Variants in ANO4 observed in about 807,000 individuals in gnomAD.
ANO4 encodes the protein anoctamin-4.
Under a neutral mutation model 141.9 loss-of-function variants are expected in ANO4, and 69 were observed. That is an observed-to-expected ratio of 0.49 (90% CI 0.40 to 0.59). The LOEUF is 0.59. Ranked by LOEUF, ANO4 falls within the 20% of genes least tolerant of loss-of-function variation. ANO4 has a pLI of 0.00. For synonymous variants in ANO4, 350 were observed against 394.3 expected (o/e 0.89, Z 1.33); for missense variants, 894 against 1,162.2 (o/e 0.77, Z 3.36).
intron 3 of ANO4, among the ~76,000 whole-genome samples, chr12:100,772,007 C>T (rs2033320544): frequency 6.6e-6 from 1 of 152,210 alleles, no homozygotes; most frequent in Non-Finnish European, 1.5e-5. Flanking sequence ...AGGAGCCAGA[C>T]TCCTCAAGAC....
chr12:101,042,453 A>T lies in ANO4; in HGVS notation c.1139A>T (p.Asp380Val). 1 of 1,614,114 alleles carries T rather than the reference A, an allele frequency of 6.2e-7. No homozygotes were observed. The highest frequency in any genetic ancestry group is 8.5e-7 in the Non-Finnish European group (1 of 1,179,990). The change falls in exon 12 of 28, where the codon GAT (aspartate) becomes GTT (valine). Residue 380 changes from aspartate (D) to valine (V), a missense_variant. Asp to Val is a radical substitution (Grantham distance 152, BLOSUM62 -3). Transcript: ENST00000392977. ...TTTTTGTATGGCGTCACCACTCTGGATCACAGCCAAGTCAGGTACGGGGAG... is the reference window on the plus strand; with the variant it reads ...TTTTTGTATGGCGTCACCACTCTGGTTCACAGCCAAGTCAGGTACGGGGAG... ...FVFLYGVTTL[D>V]HSQVSKEVCQ...
chr12:100,958,375 T>A (rs1014264693), intron 5 of ANO4, among the ~76,000 whole-genome samples: 2 of 152,184 alleles, frequency 1.3e-5, no homozygotes, highest in Non-Finnish European at 2.9e-5. Flanking sequence ...CTTTCATTGA[T>A]TCAATTTTAA....
chr12:100,725,546 C>T (rs1204430962), intron 1 of ANO4, among the ~76,000 whole-genome samples: 1 of 151,898 alleles, frequency 6.6e-6, no homozygotes, highest in Admixed American at 6.6e-5. Context: ...CGGGGTTTCA[C>T]CATGTTAGCC....
At chr12:100,920,463 A>AT (rs1245144562) in intron 2 of ANO4, among the ~76,000 whole-genome samples, 1 of 145,364 alleles carries the variant, frequency 6.9e-6, no homozygotes, top group Non-Finnish European at 1.5e-5. Flanking sequence ...TTTGGCCATC[A>AT]AATAGAACAA....
intron 1 of ANO4, among the ~76,000 whole-genome samples, chr12:100,900,030 T>G (rs2040516459): frequency 6.6e-6 from 1 of 152,158 alleles, no homozygotes; most frequent in Non-Finnish European, 1.5e-5. Context: ...TTCTGAATGT[T>G]TCACATGTAC....
rs184845706 is a variant in ANO4, at chr12:101,068,795, C to T, written c.1313-10398C>T. On this transcript the variant is annotated intron_variant, in intron 14 of 27. Transcript: ENST00000392977. ...TTACATAGCCTGGCTTTAGAAGAGC[C>T]CACAGTCATCAAAAAGTATCTATTG... The T allele has an allele frequency of 7.8e-3, 9,480 of 1,213,970 alleles. 89 individuals are homozygous for T. The highest frequency in any genetic ancestry group is 8.0e-3 in the Non-Finnish European group (6,525 of 819,730). 75.2% of individuals were successfully genotyped at this position (1,213,970 alleles called of 1,614,324 possible). A position where few individuals can be genotyped will look rare whatever the true frequency, so the allele number is the denominator to read the frequency against.
At chr12:101,020,193 C>A in intron 9 of ANO4, 53 bp downstream of exon 9, 1 of 1,255,344 alleles carries the variant, frequency 8.0e-7, no homozygotes, top group Non-Finnish European at 1.2e-6. Context: ...GAATTACAGA[C>A]TTCTTCCCTT....
intron 3 of ANO4, among the ~76,000 whole-genome samples, chr12:100,773,567 A>G (rs186742027): frequency 1.2e-4 from 19 of 152,346 alleles, no homozygotes; most frequent in African/African-American, 4.6e-4. Flanking sequence ...CTTGTACTAC[A>G]TAAGTTTCTT....
At chr12:101,003,270 TA>T (rs2045729149) in intron 8 of ANO4, among the ~76,000 whole-genome samples, 1 of 152,248 alleles carries the variant, frequency 6.6e-6, no homozygotes, top group Non-Finnish European at 1.5e-5. Flanking sequence ...ATGATTCCTT[TA>T]TCATGGGATC....
chr12:100,729,580 C>A (rs895018785), intron 1 of ANO4, among the ~76,000 whole-genome samples: 7 of 152,048 alleles, frequency 4.6e-5, no homozygotes, highest in Non-Finnish European at 8.8e-5. Context: ...ACTGTTTAAT[C>A]TGGATACTGA....
At chr12:101,059,100 T>C (rs1164782674) in intron 14 of ANO4, among the ~76,000 whole-genome samples, 1 of 152,226 alleles carries the variant, frequency 6.6e-6, no homozygotes, top group Non-Finnish European at 1.5e-5. Flanking sequence ...GAAGGCCTTT[T>C]CTGTATCTAT....
chr12:100,908,007 A>G (rs755511343), intron 2 of ANO4, among the ~76,000 whole-genome samples: 2 of 152,262 alleles, frequency 1.3e-5, no homozygotes, highest in Non-Finnish European at 2.9e-5. Flanking sequence ...TTTTATCAAC[A>G]TGGGCTAATT....
At chr12:100,741,084 A>C (rs1459979533) in intron 3 of ANO4, among the ~76,000 whole-genome samples, 3 of 152,250 alleles carry the variant, frequency 2.0e-5, no homozygotes, top group Non-Finnish European at 4.4e-5. Flanking sequence ...AAATAGCTGC[A>C]GAAATGGCCA....
intron 14 of ANO4, among the ~76,000 whole-genome samples, chr12:101,049,283 A>G (rs2047760527): frequency 6.6e-6 from 1 of 152,152 alleles, no homozygotes; most frequent in African/African-American, 2.4e-5. Flanking sequence ...CTTGTTCATT[A>G]TGTCTGCTAT....
intron 26 of ANO4, among the ~76,000 whole-genome samples, chr12:101,123,941 A>G (rs991273437): frequency 1.3e-5 from 2 of 152,042 alleles, no homozygotes; most frequent in Non-Finnish European, 1.5e-5. Context: ...CTGCTTGTAT[A>G]TCTTCTTTTG....
upstream of ANO4, chr12:100,717,411 G>C: frequency 2.7e-6 from 1 of 372,992 alleles, no homozygotes; most frequent in Non-Finnish European, 4.8e-6. Flanking sequence ...CGGAGCGCCC[G>C]GGCGCCGCTA....
intron 15 of ANO4, among the ~76,000 whole-genome samples, chr12:101,081,118 T>C (rs549301811): frequency 6.6e-6 from 1 of 151,756 alleles, no homozygotes; most frequent in South Asian, 2.1e-4. Flanking sequence ...GCAGCCGGAC[T>C]GCATTCAGAA....
At chr12:100,966,870 TATACAC>T (rs200797542) in intron 5 of ANO4, among the ~76,000 whole-genome samples, 2 of 142,564 alleles carry the variant, frequency 1.4e-5, no homozygotes, top group African/African-American at 5.4e-5. Flanking sequence ...TGTATATATA[TATACAC>T]ACACACATAC....
At chr12:100,838,248 AAAAG>A (rs2037053435) in intron 1 of ANO4, among the ~76,000 whole-genome samples, 2 of 151,946 alleles carry the variant, frequency 1.3e-5, no homozygotes, top group Admixed American at 6.6e-5. Flanking sequence ...AAAAAAAAAA[AAAAG>A]ATTTGCAAGA....
Sources: gnomAD v4.1 joint callset for allele counts (sites outside exome capture counted in the v4.1 genomes callset) on GRCh38, gnomAD v4.1.1 for gene constraint, MANE v1.5 for transcripts, NCBI Gene and HGNC (gene_info 2026-07-23, HGNC 2026-07-21) for gene names.